PYGO1: variants seen among roughly 807,000 people sequenced by gnomAD.
The protein encoded by PYGO1 is pygopus homolog 1.
Under a neutral mutation model 29.5 loss-of-function variants are expected in PYGO1, and 6 were observed. That is an observed-to-expected ratio of 0.20 (90% CI 0.11 to 0.40). PYGO1 has a LOEUF of 0.40. PYGO1 is among the 10% of genes least tolerant of loss of function. PYGO1 has a pLI of 1.00. For missense variants in PYGO1, 515 were observed against 514.9 expected (o/e 1.00, Z 0.00); for synonymous variants, 186 against 180.5 (o/e 1.03, Z -0.24).
chr15:55,581,882 A>T (rs1395047677), intron 1 of PYGO1, among the ~76,000 whole-genome samples: 1 of 152,148 alleles, frequency 6.6e-6, no homozygotes, highest in Non-Finnish European at 1.5e-5. Flanking sequence ...AGCAGCAGCT[A>T]TGGAAAGGTC....
At chr15:55,578,699 T>C (rs779922629) in intron 1 of PYGO1, among the ~76,000 whole-genome samples, 6 of 152,228 alleles carry the variant, frequency 3.9e-5, no homozygotes, top group Admixed American at 6.5e-5. Flanking sequence ...ATTTCTTAGG[T>C]TGTATTTTGT....
chr15:55,555,522 G>A (rs1178708159), intron 1 of PYGO1, among the ~76,000 whole-genome samples: 1 of 111,088 alleles, frequency 9.0e-6, no homozygotes, highest in African/African-American at 3.5e-5. Flanking sequence ...TGTAAATGGA[G>A]TGGGGTGGGG....
At chr15:55,566,538 T>C (rs545432623) in intron 1 of PYGO1, among the ~76,000 whole-genome samples, 84 of 152,246 alleles carry the variant, frequency 5.5e-4, no homozygotes, top group African/African-American at 1.8e-3. Context: ...GCCATGTACA[T>C]GTGATTATGT....
Position 55,553,519 on chromosome 15 carries a change from T to C in PYGO1, c.50-4524A>G, listed in dbSNP as rs147947033. On this transcript the variant is annotated intron_variant, in intron 1 of 2. Coordinates refer to ENST00000563719, the MANE Select transcript of PYGO1 (RefSeq NM_001367806.1). Reference sequence around the variant, plus strand: ...CAAGCGATCCTCCTGCCTCAGCCTCTTGATTGGCTGGAATTACAGGCACTT... The same window carrying C: ...CAAGCGATCCTCCTGCCTCAGCCTCCTGATTGGCTGGAATTACAGGCACTT... Among the ~76,000 whole-genome samples the C allele has an allele frequency of 6.3e-4, 96 of 152,072 alleles. No homozygotes were observed. The East Asian group carries it at 0.016, about 25-fold the overall frequency.
intron 1 of PYGO1, among the ~76,000 whole-genome samples, chr15:55,583,625 T>A (rs1030370538): frequency 6.6e-6 from 1 of 152,142 alleles, no homozygotes; most frequent in African/African-American, 2.4e-5. Flanking sequence ...CAAGGGATCC[T>A]CCTACCTCAG....
chr15:55,583,971 C>G (rs1004856974), intron 1 of PYGO1, among the ~76,000 whole-genome samples: 1 of 152,166 alleles, frequency 6.6e-6, no homozygotes, highest in Non-Finnish European at 1.5e-5. Context: ...GAATTCTTCT[C>G]CTTCCTTGAT....
intron 1 of PYGO1, among the ~76,000 whole-genome samples, chr15:55,571,498 G>A (rs1361601872): frequency 6.6e-6 from 1 of 152,112 alleles, no homozygotes; most frequent in South Asian, 2.1e-4. Context: ...TGAATCATGG[G>A]GGCAGGTCTT....
intron 1 of PYGO1, among the ~76,000 whole-genome samples, chr15:55,587,239 G>A (rs2059050862): frequency 6.6e-6 from 1 of 152,180 alleles, no homozygotes; most frequent in Non-Finnish European, 1.5e-5. Context: ...CAAGAAAGAA[G>A]AAAATCAACC....
chr15:55,554,796 A>C (rs1286960003), intron 1 of PYGO1, among the ~76,000 whole-genome samples: 1 of 152,210 alleles, frequency 6.6e-6, no homozygotes, highest in Non-Finnish European at 1.5e-5. Flanking sequence ...AATCATTCTG[A>C]AATAAGAAAG....
At chr15:55,564,595 C>CCAGGGCCATGCAAGGCA (rs1393903423) in intron 1 of PYGO1, among the ~76,000 whole-genome samples, 6 of 82,194 alleles carry the variant, frequency 7.3e-5, no homozygotes, top group Non-Finnish European at 1.3e-4. Context: ...CATGCCTGTC[C>CCAGGGCCATGCAAGGCA]CAGGGCCATG....
chr15:55,545,991 G>A lies in PYGO1; in HGVS notation c.*32C>T. Reference sequence around the variant, plus strand: ...GTCAATGAACTTCTGCAATGCACAGGAAAATAAACCCACTTTAGTTAATGC... The same window carrying A: ...GTCAATGAACTTCTGCAATGCACAGAAAAATAAACCCACTTTAGTTAATGC... On this transcript the variant is annotated 3_prime_UTR_variant, in exon 3 of 3. Coordinates refer to ENST00000563719, the MANE Select transcript of PYGO1 (RefSeq NM_001367806.1). 1 of 1,543,410 alleles carries A rather than the reference G, an allele frequency of 6.5e-7. No individual in the cohort carries two copies. Among genetic ancestry groups the A allele is most frequent in the South Asian group, 1.2e-5 (1 of 80,328 alleles).
At chr15:55,548,707 T>TAAAAAAAAAAAAAAAAAAA (rs60796044) in intron 2 of PYGO1, among the ~76,000 whole-genome samples, 4 of 55,448 alleles carry the variant, frequency 7.2e-5, no homozygotes, top group Admixed American at 2.6e-4. Flanking sequence ...AGAATCCACC[T>TAAAAAAAAAAAAAAAAAAA]AAAAAAAAAA....
intron 1 of PYGO1, among the ~76,000 whole-genome samples, chr15:55,554,023 C>G (rs911900888): frequency 6.6e-6 from 1 of 152,170 alleles, no homozygotes; most frequent in Non-Finnish European, 1.5e-5. Context: ...ACAAAAACCC[C>G]ATCCAAAGGT....
intron 1 of PYGO1, among the ~76,000 whole-genome samples, chr15:55,573,295 G>T (rs1410127661): frequency 6.6e-6 from 1 of 150,572 alleles, no homozygotes; most frequent in African/African-American, 2.5e-5. Flanking sequence ...AACAGAGCAA[G>T]ACTCCATCTC....
At chr15:55,580,247 C>T (rs1183605731) in intron 1 of PYGO1, among the ~76,000 whole-genome samples, 5 of 152,152 alleles carry the variant, frequency 3.3e-5, no homozygotes, top group African/African-American at 4.8e-5. Flanking sequence ...TCCAACAAAA[C>T]GGTGAAACCT....
intron 2 of PYGO1, among the ~76,000 whole-genome samples, chr15:55,548,597 T>G (rs1007362065): frequency 6.7e-6 from 1 of 150,350 alleles, no homozygotes; most frequent in African/African-American, 2.4e-5. Context: ...TTCCAGCTAC[T>G]TGGGAGGCTG....
chr15:55,557,836 C>T lies in PYGO1; in HGVS notation c.50-8841G>A, dbSNP rs563021773. 2.6e-5 allele frequency among the ~76,000 whole-genome samples: 4 copies of T among 152,252 alleles called. No homozygotes were observed. The South Asian group carries it at 6.2e-4, about 24-fold the overall frequency. ...CTCAATAAATTAGGTATTGATGGGA[C>T]GTCTCTCAAAATAATAGGAGCTATT... is the stretch of plus-strand genomic sequence containing the variant. On this transcript the variant is annotated intron_variant, in intron 1 of 2. Coordinates refer to ENST00000563719, the MANE Select transcript of PYGO1 (RefSeq NM_001367806.1).
rs2058846709 is a variant in PYGO1 at position 55,545,768 on chromosome 15, TTTTA to T, written c.*251_*254del. On this transcript the variant is annotated 3_prime_UTR_variant, in exon 3 of 3. Transcript: ENST00000563719. ...ATATTATTTTGAAGTTTCAAGAGGCTTTTATGTTTGTGATAAATAACAACAACTA... is the reference window on the plus strand; with the variant it reads ...ATATTATTTTGAAGTTTCAAGAGGCTTGTTTGTGATAAATAACAACAACTA... 9.1e-6 allele frequency: 3 copies of T among 329,062 alleles called. No homozygotes were observed. The South Asian group carries it at 3.7e-4, about 40-fold the overall frequency. The allele number at this position is 329,062 out of a possible 1,614,324, so 20.4% of individuals were successfully genotyped here. A position where few individuals can be genotyped will look rare whatever the true frequency, so the allele number is the denominator to read the frequency against.
At chr15:55,563,223 A>G (rs1338642688) in intron 1 of PYGO1, among the ~76,000 whole-genome samples, 5 of 152,146 alleles carry the variant, frequency 3.3e-5, no homozygotes, top group Admixed American at 3.3e-4. Context: ...TAGTATCCAG[A>G]ATATATGAAT....
Sources: gnomAD v4.1 joint callset for allele counts (sites outside exome capture counted in the v4.1 genomes callset) on GRCh38, gnomAD v4.1.1 for gene constraint, MANE v1.5 for transcripts, NCBI Gene and HGNC (gene_info 2026-07-23, HGNC 2026-07-21) for gene names.